ZFHX3: variants seen among roughly 807,000 people sequenced by gnomAD.
ZFHX3 encodes zinc finger homeobox 3.
In ZFHX3, 42 loss-of-function variants were observed where a neutral mutation model predicts 279.1. That is an observed-to-expected ratio of 0.15 (90% confidence interval 0.12 to 0.19). The LOEUF (loss-of-function observed/expected upper bound fraction) is 0.19, where lower values mean the gene tolerates loss of function less well. Ranked by LOEUF, ZFHX3 falls within the 10% of genes least tolerant of loss-of-function variation. ZFHX3 has a pLI of 1.00. For synonymous variants in ZFHX3, 2,293 were observed against 1,957.8 expected (o/e 1.17, Z -4.52); for missense variants, 4,981 against 4,754.0 (o/e 1.05, Z -1.40).
intron 3 of ZFHX3, among the ~76,000 whole-genome samples, chr16:72,938,328 G>T (rs1249799115): frequency 6.6e-6 from 1 of 152,256 alleles, no homozygotes; most frequent in Non-Finnish European, 1.5e-5. Flanking sequence ...ACACAGAAAT[G>T]AGCACTTAAA....
rs751991168 is a variant in ZFHX3, at chr16:72,787,996, G to A, written c.10280C>T (p.Thr3427Ile). ...CAGGAGGGGGGACACCTCACGGGGGGTGTTTTTCTGTTCTTCTGGTTTGGG... is the reference window on the plus strand; with the variant it reads ...CAGGAGGGGGGACACCTCACGGGGGATGTTTTTCTGTTCTTCTGGTTTGGG... ...ESPKPEEQKN[T>I]PREVSPLLPK... Residue 3427 changes from threonine to isoleucine, a missense_variant, in exon 10 of 10, where the codon ACC becomes ATC. Physicochemically the swap from Thr to Ile is moderately conservative, Grantham distance 89. Coordinates refer to ENST00000268489, the MANE Select transcript of ZFHX3 (RefSeq NM_006885.4). 1.6e-5 allele frequency: 26 copies of A among 1,612,988 alleles called. No homozygotes were observed. The African/African-American group carries it at 3.4e-4, about 21-fold the overall frequency.
chr16:73,856,340 C>T (rs1961726542), intron 1 of ZFHX3, among the ~76,000 whole-genome samples: 1 of 152,112 alleles, frequency 6.6e-6, no homozygotes, highest in Admixed American at 6.5e-5. Flanking sequence ...TAAATTGCCT[C>T]ATTTCTGAAA....
At chr16:72,879,065 G>A (rs1232360783) in intron 4 of ZFHX3, among the ~76,000 whole-genome samples, 1 of 152,180 alleles carries the variant, frequency 6.6e-6, no homozygotes, top group East Asian at 1.9e-4. Flanking sequence ...ACCAGCCATG[G>A]GAAGCAGGAT....
At chr16:73,766,684 AAC>A (rs1348237141) in intron 1 of ZFHX3, among the ~76,000 whole-genome samples, 1 of 152,168 alleles carries the variant, frequency 6.6e-6, no homozygotes, top group Non-Finnish European at 1.5e-5. Flanking sequence ...GTGGAAACAT[AAC>A]AGTCAGTCCA....
At chr16:72,900,345 C>T (rs2039004260) in intron 3 of ZFHX3, among the ~76,000 whole-genome samples, 2 of 152,252 alleles carry the variant, frequency 1.3e-5, no homozygotes, top group South Asian at 4.1e-4. Context: ...ATTTGTATCT[C>T]CAATCCCATG....
At chr16:73,835,627 T>C (rs1230141136) in intron 1 of ZFHX3, among the ~76,000 whole-genome samples, 1 of 151,800 alleles carries the variant, frequency 6.6e-6, no homozygotes, top group African/African-American at 2.4e-5. Context: ...CCCGCCACCA[T>C]GCCCAGTTAA....
At chr16:73,546,716 CTGCTGCTGCTGCTGCTGCTGT>C (rs2020118296) in intron 2 of ZFHX3, among the ~76,000 whole-genome samples, 1 of 121,298 alleles carries the variant, frequency 8.2e-6, no homozygotes, top group Non-Finnish European at 1.8e-5. Flanking sequence ...GCTGCTGCTG[CTGCTGCTGCTGCTGCTGCTGT>C]TGCTTCTTTT....
intron 2 of ZFHX3, among the ~76,000 whole-genome samples, chr16:73,529,064 A>G (rs1095396): frequency 3.9e-5 from 6 of 152,080 alleles, no homozygotes; most frequent in Admixed American, 2.6e-4. Context: ...GCATAAATAC[A>G]TTCTAGGAAA....
chr16:73,609,139 C>T (rs1295251080), intron 2 of ZFHX3: 4 of 152,124 alleles, frequency 2.6e-5, no homozygotes, highest in Admixed American at 2.0e-4. Flanking sequence ...GAAATGCAGA[C>T]GTGTGGATTC....
At position 72,797,589 on chromosome 16, in the gene ZFHX3, C is replaced by A. The variant is rs547134906; in HGVS notation, c.5093G>T (p.Gly1698Val). The change falls in exon 9 of 10, where the codon GGT becomes GTT. Residue 1698 changes from glycine (G) to valine (V), a missense_variant. Gly to Val is a moderately radical substitution (Grantham distance 109, BLOSUM62 -3). This residue lies in a region of ZFHX3 where 1,751 missense variants were observed against 1,770.0 expected (regional missense o/e 0.99). Transcript: ENST00000268489. Reference sequence around the variant, plus strand: ...CTCTGAAGGGGAAGCAATGTTGGCACCAATAGGATTCCCCAGGGGTGGCAT... The same window carrying A: ...CTCTGAAGGGGAAGCAATGTTGGCAACAATAGGATTCCCCAGGGGTGGCAT... ...VGMPPLGNPIGANIASPSEPK... is the reference protein window; with the variant it reads ...VGMPPLGNPIVANIASPSEPK... 17 of 1,614,054 alleles carry A rather than the reference C, an allele frequency of 1.1e-5. No individual in the cohort carries two copies. In the South Asian group the frequency reaches 1.6e-4, roughly 16 times the overall value.
intron 3 of ZFHX3, among the ~76,000 whole-genome samples, chr16:73,337,257 G>A (rs1289929700): frequency 1.3e-5 from 2 of 152,016 alleles, no homozygotes; most frequent in East Asian, 3.9e-4. Flanking sequence ...CCTACGTCCT[G>A]TGGGACTCCT....
intron 3 of ZFHX3, among the ~76,000 whole-genome samples, chr16:73,396,870 T>C (rs1472781604): frequency 6.6e-6 from 1 of 152,200 alleles, no homozygotes; most frequent in Non-Finnish European, 1.5e-5. Flanking sequence ...CTACATTTCC[T>C]AACCTCATTT....
At chr16:73,619,756 C>G (rs2052340400) in intron 2 of ZFHX3, among the ~76,000 whole-genome samples, 1 of 152,114 alleles carries the variant, frequency 6.6e-6, no homozygotes, top group South Asian at 2.1e-4. Flanking sequence ...TCCTGCCTAC[C>G]AAACCCCACT....
In ZFHX3 at chr16:73,275,944, C is replaced by G. The variant is rs573616901; in HGVS notation, c.-1193-18808G>C. Reference sequence around the variant, plus strand: ...TTTATTCTATGGACCGTATCCTTTGCTCCACACCTAACTCGAAAGTTAGGG... The same window carrying G: ...TTTATTCTATGGACCGTATCCTTTGGTCCACACCTAACTCGAAAGTTAGGG... On this transcript the variant is annotated intron_variant, in intron 4 of 17. Transcript: ENST00000641206. Among the ~76,000 whole-genome samples, 10 of 152,210 alleles carry G rather than the reference C, an allele frequency of 6.6e-5. No individual in the cohort carries two copies. In the East Asian group the frequency reaches 1.9e-3, roughly 29 times the overall value.
At chr16:73,091,190 G>A (rs186185913) in intron 8 of ZFHX3, among the ~76,000 whole-genome samples, 12 of 151,224 alleles carry the variant, frequency 7.9e-5, no homozygotes, top group Admixed American at 5.9e-4. Flanking sequence ...CAGCCTGGGC[G>A]GCAGAGTGAG....
rs142352708 is a variant in ZFHX3 at position 73,204,699 on chromosome 16, C to T, written c.-1104+52348G>A. 3.9e-4 allele frequency among the ~76,000 whole-genome samples: 59 copies of T among 152,280 alleles called. No individual in the cohort carries two copies. The East Asian group carries it at 5.8e-3, about 15-fold the overall frequency. On this transcript the variant is annotated intron_variant, in intron 5 of 17. Coordinates refer to the ZFHX3 transcript ENST00000641206. ...AGCTCTATACCCCTTGTATCAGGAA[C>T]CTTCCACCTTGCAAGGATATAGTGC...
At chr16:73,568,137 C>T (rs1401982604) in intron 2 of ZFHX3, among the ~76,000 whole-genome samples, 1 of 152,212 alleles carries the variant, frequency 6.6e-6, no homozygotes, top group Non-Finnish European at 1.5e-5. Flanking sequence ...AAACGTCCTT[C>T]TCCCCCGTCT....
chr16:73,507,828 A>G (rs2019355105), intron 2 of ZFHX3, among the ~76,000 whole-genome samples: 3 of 152,142 alleles, frequency 2.0e-5, no homozygotes, highest in Non-Finnish European at 4.4e-5. Context: ...GGGAGATTAC[A>G]GACAAACTTT....
At chr16:73,756,953 T>C (rs780305777) in intron 1 of ZFHX3, among the ~76,000 whole-genome samples, 9 of 152,178 alleles carry the variant, frequency 5.9e-5, no homozygotes, top group Non-Finnish European at 1.3e-4. Context: ...TTTCTAGTTA[T>C]GGTTAAACTA....
Sources: allele counts gnomAD v4.1 joint callset (sites outside exome capture counted in the v4.1 genomes callset), GRCh38; gene constraint gnomAD v4.1.1; regional missense constraint gnomAD v4.1.1; transcripts MANE v1.5; gene names NCBI Gene and HGNC (gene_info 2026-07-23, HGNC 2026-07-21).